The following ANKRD44 variants were observed in gnomAD, a reference collection of about 807,000 sequenced individuals.
The protein encoded by ANKRD44 is ankyrin repeat domain 44.
ANKRD44 carries 35 observed loss-of-function variants against 116.0 expected under a neutral mutation model. That is an observed-to-expected ratio of 0.30 (90% CI 0.23 to 0.40). ANKRD44 has a LOEUF of 0.40. ANKRD44 is among the 10% of genes least tolerant of loss of function. The probability of loss-of-function intolerance (pLI) is 1.00; values close to 1 mark genes in which losing one functional copy is unlikely to be tolerated. For missense variants in ANKRD44, 1,014 were observed against 1,242.6 expected, an observed-to-expected ratio of 0.82 and a Z score of 2.77; for synonymous variants, 435 against 461.8, an observed-to-expected ratio of 0.94 and a Z score of 0.74.
chr2:197,118,941 A>G (rs2125313383), intron 8 of ANKRD44, among the ~76,000 whole-genome samples: 1 of 152,312 alleles, frequency 6.6e-6, no homozygotes, highest in African/African-American at 2.4e-5. Context: ...TACCAGTAAT[A>G]CTAGTTTTTC....
chr2:197,008,320 T>C (rs972699541), intron 19 of ANKRD44, among the ~76,000 whole-genome samples: 3 of 152,186 alleles, frequency 2.0e-5, no homozygotes, highest in African/African-American at 4.8e-5. Flanking sequence ...CTGCTAAAGA[T>C]TTCATTTACA....
At chr2:197,310,509 C>T in intron 1 of ANKRD44, 69 bp downstream of exon 1, 1 of 984,610 alleles carries the variant, frequency 1.0e-6, no homozygotes, top group Non-Finnish European at 1.2e-6. Context: ...GCCGCGCCCC[C>T]ATCCCCCCGC....
chr2:196,982,316 G>A (rs1253248654), downstream of ANKRD44, among the ~76,000 whole-genome samples: 3 of 151,946 alleles, frequency 2.0e-5, no homozygotes, highest in African/African-American at 4.8e-5. Context: ...AAGTTAATTG[G>A]CGATAGCAGA....
At chr2:197,113,984 G>A (rs2078650833) in intron 8 of ANKRD44, among the ~76,000 whole-genome samples, 1 of 152,158 alleles carries the variant, frequency 6.6e-6, no homozygotes, top group Non-Finnish European at 1.5e-5. Context: ...CACATGGTAT[G>A]GGTGTAAAGG....
At chr2:197,046,817 T>C (rs2077010364) in intron 16 of ANKRD44, among the ~76,000 whole-genome samples, 1 of 152,206 alleles carries the variant, frequency 6.6e-6, no homozygotes, top group African/African-American at 2.4e-5. Flanking sequence ...AAGTAAAATA[T>C]GAGTTGAGCC....
At chr2:197,191,361 AC>A (rs2080818259) in intron 1 of ANKRD44, among the ~76,000 whole-genome samples, 1 of 152,024 alleles carries the variant, frequency 6.6e-6, no homozygotes, top group Admixed American at 6.6e-5. Context: ...ATGACACTTG[AC>A]CCCTCTAAGA....
chr2:197,073,760 C>T (rs927041531), intron 16 of ANKRD44, among the ~76,000 whole-genome samples: 6 of 152,182 alleles, frequency 3.9e-5, no homozygotes, highest in African/African-American at 1.4e-4. Context: ...TAATCTCTAA[C>T]TTCTTGTTCT....
chr2:197,024,231 T>G (rs778395913), intron 17 of ANKRD44, among the ~76,000 whole-genome samples: 1 of 152,204 alleles, frequency 6.6e-6, no homozygotes, highest in Non-Finnish European at 1.5e-5. Context: ...TATGTACACA[T>G]AGTATTAAGT....
At chr2:197,157,586 G>A (rs1356645071) in intron 2 of ANKRD44, among the ~76,000 whole-genome samples, 1 of 148,132 alleles carries the variant, frequency 6.8e-6, no homozygotes, top group Non-Finnish European at 1.5e-5. Flanking sequence ...GCTGAGGCAG[G>A]AGAATTGCTT....
At chr2:197,078,680 G>T (rs756667730) in intron 16 of ANKRD44, 23 bp downstream of exon 16, 1 of 1,607,140 alleles carries the variant, frequency 6.2e-7, no homozygotes, top group Non-Finnish European at 8.5e-7. Flanking sequence ...GTGTGTTAGA[G>T]AAAACAAAAC....
At chr2:197,089,861 G>A (rs1388673220) in intron 11 of ANKRD44, 89 bp downstream of exon 11, 11 of 1,110,364 alleles carry the variant, frequency 9.9e-6, no homozygotes, top group African/African-American at 3.1e-5. Context: ...ATGAAGCACA[G>A]GCAGCCACTC....
Position 197,121,497 on chromosome 2 carries a change from G to A in ANKRD44, c.741C>T (p.Cys247=). 1.2e-6 allele frequency: 2 copies of A among 1,614,194 alleles called. No homozygotes were observed. Among genetic ancestry groups the A allele is most frequent in the Non-Finnish European group, 1.7e-6 (2 of 1,180,032 alleles). The change falls in exon 8 of 28, where the codon TGC becomes TGT. Residue 247 remains cysteine, a synonymous_variant. Coordinates refer to ENST00000282272, the MANE Select transcript of ANKRD44 (RefSeq NM_001195144.2). ...VYGNTALHIA[C]YNGQDAVVNE... is the part of the protein sequence containing the mutation. ...TAACCACAGCATCCTGTCCATTGTA[G>A]CAGGCGATGTGAAGCGCTGTATTTC...
chr2:197,129,949 A>G (rs1163618493), intron 4 of ANKRD44, among the ~76,000 whole-genome samples: 1 of 152,236 alleles, frequency 6.6e-6, no homozygotes, highest in Non-Finnish European at 1.5e-5. Flanking sequence ...ATGTTATACA[A>G]CTGTCTGTAC....
At chr2:196,992,127 A>T (rs1186935811) in intron 27 of ANKRD44, among the ~76,000 whole-genome samples, 1 of 152,184 alleles carries the variant, frequency 6.6e-6, no homozygotes, top group African/African-American at 2.4e-5. Context: ...ACTGGCCTGA[A>T]AAGGGTTAGC....
chr2:197,030,559 G>A (rs1292581183), intron 16 of ANKRD44, among the ~76,000 whole-genome samples: 2 of 152,188 alleles, frequency 1.3e-5, no homozygotes, highest in Non-Finnish European at 2.9e-5. Flanking sequence ...TATGGAATCA[G>A]TCATTCCAGT....
rs2077846143 is a variant in ANKRD44, at chr2:197,083,497, G to A, written c.1329C>T (p.His443=). 6.2e-7 allele frequency: 1 copy of A among 1,611,200 alleles called. No homozygotes were observed. Among genetic ancestry groups the A allele is most frequent in the Non-Finnish European group, 8.5e-7 (1 of 1,178,540 alleles). ...KKDKCGRTPL[H]YAAANCHFHC... ...GGAAATGACAATTCGCAGCTGCATA[G>A]TGCAAAGGGGTCCTGAAAAACAAAC... Residue 443 remains histidine (H), a synonymous_variant, in exon 14 of 28, where the codon CAC becomes CAT. Coordinates refer to ENST00000282272, the MANE Select transcript of ANKRD44 (RefSeq NM_001195144.2).
At chr2:197,222,868 A>G (rs976991486) in intron 1 of ANKRD44, among the ~76,000 whole-genome samples, 6 of 151,568 alleles carry the variant, frequency 4.0e-5, no homozygotes, top group Admixed American at 2.6e-4. Context: ...GCTGAAGTAC[A>G]GTGGCATGAT....
At chr2:197,147,154 G>A (rs2272407) in intron 2 of ANKRD44, 49 bp from the exon 3 acceptor site, 51,530 of 1,536,890 alleles carry the variant, frequency 0.034, 1,988 homozygotes, top group East Asian at 0.24. Context: ...GGCAGCTGGA[G>A]GTCCCTTTTG....
At chr2:196,989,827 C>T (rs1023121672) in intron 27 of ANKRD44, 178 bp from the exon 28 acceptor site, 5 of 1,379,654 alleles carry the variant, frequency 3.6e-6, no homozygotes, top group Non-Finnish European at 4.7e-6. Context: ...GCTCATTTTA[C>T]TACTGATGAA....
Sources: allele counts gnomAD v4.1 joint callset (sites outside exome capture counted in the v4.1 genomes callset), GRCh38; gene constraint gnomAD v4.1.1; transcripts MANE v1.5; gene names NCBI Gene and HGNC (gene_info 2026-07-23, HGNC 2026-07-21).